TTC7B: variants seen among roughly 807,000 people sequenced by gnomAD.
TTC7B encodes the protein tetratricopeptide repeat domain 7B.
Under a neutral mutation model 106.8 loss-of-function variants are expected in TTC7B, and 28 were observed. The ratio of observed to expected loss-of-function variants is 0.26; its 90% CI spans 0.19 to 0.36. The LOEUF is 0.36. Among genes scored for constraint, TTC7B ranks in the 10% least tolerant of loss-of-function variants. The pLI is 1.00. For synonymous variants in TTC7B, 405 were observed against 430.6 expected (o/e 0.94, Z 0.74); for missense variants, 862 against 1,076.4 (o/e 0.80, Z 2.79).
In TTC7B at chr14:90,667,946, A is replaced by T. The variant is rs113255436; in HGVS notation, c.1152+8577T>A. Reference sequence around the variant, plus strand: ...AAACATAGATTTTATGTCCTGTGGCATGCTACTTTTGCACTGAAGGGGAAC... The same window carrying T: ...AAACATAGATTTTATGTCCTGTGGCTTGCTACTTTTGCACTGAAGGGGAAC... On this transcript the variant is annotated intron_variant, in intron 9 of 19. Transcript: ENST00000328459. Among the ~76,000 whole-genome samples the T allele has an allele frequency of 7.3e-3, 1,117 of 152,314 alleles. 12 individuals are homozygous for T. Among genetic ancestry groups the T allele is most frequent in the African/African-American group, 0.025 (1,056 of 41,576 alleles).
chr14:90,588,499 T>C (rs960314716), intron 18 of TTC7B, among the ~76,000 whole-genome samples: 1 of 152,180 alleles, frequency 6.6e-6, no homozygotes, highest in African/African-American at 2.4e-5. Flanking sequence ...GGCTCAGTGC[T>C]GAAGGGCTGT....
chr14:90,761,690 T>C (rs544219778), intron 3 of TTC7B, among the ~76,000 whole-genome samples: 3 of 152,332 alleles, frequency 2.0e-5, no homozygotes, highest in African/African-American at 7.2e-5. Flanking sequence ...TCCTGCAGTC[T>C]TCACTTGGTT....
intron 8 of TTC7B, among the ~76,000 whole-genome samples, chr14:90,679,994 A>C (rs1886988868): frequency 6.6e-6 from 1 of 152,254 alleles, no homozygotes; most frequent in Non-Finnish European, 1.5e-5. Context: ...CAGGAGGATG[A>C]GAGTTTCATC....
chr14:90,631,880 T>C (rs1884720014), intron 15 of TTC7B, among the ~76,000 whole-genome samples: 1 of 152,256 alleles, frequency 6.6e-6, no homozygotes, highest in Admixed American at 6.5e-5. Context: ...ATGTAGAGAC[T>C]CTTTTCATGT....
At chr14:90,675,774 T>A (rs1419043166) in intron 9 of TTC7B, 1 of 150,074 alleles carries the variant, frequency 6.7e-6, no homozygotes, top group Non-Finnish European at 1.5e-5. Flanking sequence ...GAAAGATAAA[T>A]AACATGGAAA....
At chr14:90,571,365 C>G (rs1191579194) in intron 19 of TTC7B, among the ~76,000 whole-genome samples, 1 of 152,142 alleles carries the variant, frequency 6.6e-6, no homozygotes. Flanking sequence ...ACTACTTTGT[C>G]CTCGGCACTG....
chr14:90,605,590 T>A, intron 17 of TTC7B: 12 of 1,278,190 alleles, frequency 9.4e-6, no homozygotes, highest in Non-Finnish European at 1.2e-5. Flanking sequence ...GGAAAAACCA[T>A]GTTTACAGAG....
rs922427293 is a variant in TTC7B, at chr14:90,532,943, G to T, written c.*8425C>A. On this transcript the variant is annotated 3_prime_UTR_variant, in exon 20 of 20. Coordinates refer to ENST00000328459, the MANE Select transcript of TTC7B (RefSeq NM_001010854.2). ...CCCTGACCTCCTGCCATGCCCGGGG[G>T]AGGAGCCATGCAGGGGTAGGGCTGG... 6.6e-6 allele frequency: 1 copy of T among 152,306 alleles called. No homozygotes were observed. The highest frequency in any genetic ancestry group is 2.4e-5 in the African/African-American group (1 of 41,440). The allele number at this position is 152,306 out of a possible 1,614,324, so 9.4% of individuals were successfully genotyped here.
At position 90,541,707 on chromosome 14, in the gene TTC7B, G is replaced by T. The variant is rs1406041976; in HGVS notation, c.2311-118C>A. On this transcript the variant is annotated intron_variant, in intron 19 of 19. Coordinates refer to ENST00000328459, the MANE Select transcript of TTC7B (RefSeq NM_001010854.2). ...GGAGCCGGGAATATATCGCCATTGG[G>T]CTGGGCCCATAGTAAGTTCTCCAGT... The T allele has an allele frequency of 5.2e-6, 4 of 763,170 alleles. No homozygotes were observed. In the African/African-American group the frequency reaches 7.0e-5, roughly 13 times the overall value. The allele number at this position is 763,170 out of a possible 1,614,324, so 47.3% of individuals were successfully genotyped here.
rs1013493374 is a variant in TTC7B at position 90,531,595 on chromosome 14, GACA to G, written c.*9770_*9772del. Reference sequence around the variant, plus strand: ...GATTGTGCCATTGCGCTCCAGCCTGGACAACAAGAGCGAAACTCCTTCTCAAAA... The same window carrying G: ...GATTGTGCCATTGCGCTCCAGCCTGGACAAGAGCGAAACTCCTTCTCAAAA... On this transcript the variant is annotated 3_prime_UTR_variant, in exon 20 of 20. Coordinates refer to ENST00000328459, the MANE Select transcript of TTC7B (RefSeq NM_001010854.2). The G allele has an allele frequency of 1.5e-5, 2 of 132,654 alleles. No homozygotes were observed. The highest frequency in any genetic ancestry group is 4.5e-4 in the East Asian group (2 of 4,404). 8.2% of individuals were successfully genotyped at this position (132,654 alleles called of 1,614,324 possible). A position where few individuals can be genotyped will look rare whatever the true frequency, so the allele number is the denominator to read the frequency against.
intron 19 of TTC7B, chr14:90,567,814 TCTAA>T (rs1890861582): frequency 6.6e-6 from 1 of 152,250 alleles, no homozygotes; most frequent in Non-Finnish European, 1.5e-5. Context: ...CTGCAGTGCC[TCTAA>T]CTCTCTGGTG....
rs114292931 is a variant in TTC7B, at chr14:90,634,292, A to T, written c.1751+9756T>A. Among the ~76,000 whole-genome samples, 551 of 152,266 alleles carry T rather than the reference A, an allele frequency of 3.6e-3. 6 individuals are homozygous for T. Among genetic ancestry groups the T allele is most frequent in the African/African-American group, 0.013 (533 of 41,544 alleles). ...TAATAGTTCAGGGGTTTAAAAAATAATTTTTCAACAAAAAGAAGGCAGATT... is the reference window on the plus strand; with the variant it reads ...TAATAGTTCAGGGGTTTAAAAAATATTTTTTCAACAAAAAGAAGGCAGATT... On this transcript the variant is annotated intron_variant, in intron 15 of 19. Coordinates refer to ENST00000328459, the MANE Select transcript of TTC7B (RefSeq NM_001010854.2).
chr14:90,776,302 T>C (rs1359904039), intron 3 of TTC7B, among the ~76,000 whole-genome samples: 1 of 152,054 alleles, frequency 6.6e-6, no homozygotes, highest in African/African-American at 2.4e-5. Flanking sequence ...AAACTCGAAA[T>C]TGGTGATCAG....
At chr14:90,655,866 TTTTA>T (rs1885926941) in intron 11 of TTC7B, among the ~76,000 whole-genome samples, 1 of 152,148 alleles carries the variant, frequency 6.6e-6, no homozygotes, top group Non-Finnish European at 1.5e-5. Flanking sequence ...CTCTTATTTT[TTTTA>T]AAAAAAAGAG....
intron 15 of TTC7B, among the ~76,000 whole-genome samples, chr14:90,641,940 T>C (rs1740059): frequency 4.2e-5 from 6 of 144,340 alleles, no homozygotes; most frequent in Admixed American, 6.7e-5. Flanking sequence ...TGTGCGTGTG[T>C]GTGTGTGTGT....
chr14:90,794,719 T>C (rs1891715423), intron 1 of TTC7B, among the ~76,000 whole-genome samples: 1 of 152,156 alleles, frequency 6.6e-6, no homozygotes, highest in African/African-American at 2.4e-5. Flanking sequence ...TTCCGAAATT[T>C]TTCAAAAGTC....
intron 18 of TTC7B, 49 bp downstream of exon 18, chr14:90,593,437 G>A (rs1892052144): frequency 8.6e-6 from 13 of 1,517,216 alleles, no homozygotes; most frequent in South Asian, 3.9e-5. Context: ...GGGTGGGGCG[G>A]AGCCCAGGCT....
Position 90,745,548 on chromosome 14 carries a change from C to T in TTC7B, c.446-626G>A, listed in dbSNP as rs1216283024. Among the ~76,000 whole-genome samples, 8 of 152,090 alleles carry T rather than the reference C, an allele frequency of 5.3e-5. No individual in the cohort carries two copies. The East Asian group carries it at 1.5e-3, about 29-fold the overall frequency. ...CATGTTCATTGAGATAATCATATAG[C>T]TTTTTTGCTTTTAGTTTTTAAATGT... On this transcript the variant is annotated intron_variant, in intron 3 of 19. Coordinates refer to ENST00000328459, the MANE Select transcript of TTC7B (RefSeq NM_001010854.2).
chr14:90,603,386 A>G (rs901468532), intron 17 of TTC7B: 6 of 964,042 alleles, frequency 6.2e-6, no homozygotes, highest in South Asian at 1.4e-5. Context: ...AAAAGCGAAC[A>G]GAGTTCTAAT....
Sources: gnomAD v4.1 joint callset for allele counts (sites outside exome capture counted in the v4.1 genomes callset) on GRCh38, gnomAD v4.1.1 for gene constraint, MANE v1.5 for transcripts, NCBI Gene and HGNC (gene_info 2026-07-23, HGNC 2026-07-21) for gene names.